Variants in SLC20A2 observed in about 807,000 individuals in gnomAD.
The protein encoded by SLC20A2 is sodium-dependent phosphate transporter 2.
Under a neutral mutation model 61.0 loss-of-function variants are expected in SLC20A2, and 30 were observed. That is an observed-to-expected ratio of 0.49 (90% confidence interval 0.37 to 0.67). The LOEUF (loss-of-function observed/expected upper bound fraction) is 0.67, where lower values mean the gene tolerates loss of function less well. Ranked by LOEUF, SLC20A2 falls within the 30% of genes least tolerant of loss-of-function variation. SLC20A2 has a pLI of 0.00. For missense variants in SLC20A2, 626 were observed against 866.4 expected, an observed-to-expected ratio of 0.72 and a Z score of 3.48; for synonymous variants, 351 against 353.3, an observed-to-expected ratio of 0.99 and a Z score of 0.07.
intron 5 of SLC20A2, among the ~76,000 whole-genome samples, chr8:42,454,725 A>G (rs1238768928): frequency 1.3e-5 from 2 of 151,342 alleles, no homozygotes; most frequent in Non-Finnish European, 2.9e-5. Flanking sequence ...AGATTTTACA[A>G]TTATTATTAT....
At chr8:42,456,267 G>A (rs574380524) in intron 5 of SLC20A2, among the ~76,000 whole-genome samples, 59 of 152,208 alleles carry the variant, frequency 3.9e-4, no homozygotes, top group Admixed American at 1.0e-3. Flanking sequence ...ATGCAGAAAC[G>A]AAAAAACCCC....
intron 1 of SLC20A2, chr8:42,535,230 G>A (rs544962969): frequency 6.6e-6 from 1 of 152,140 alleles, no homozygotes; most frequent in Non-Finnish European, 1.5e-5. Flanking sequence ...CAGGCTTTAG[G>A]AGGCTTCCTG....
At chr8:42,456,498 C>G (rs749797003) in intron 5 of SLC20A2, among the ~76,000 whole-genome samples, 7 of 152,002 alleles carry the variant, frequency 4.6e-5, no homozygotes, top group South Asian at 4.2e-4. Flanking sequence ...TTTGAGAGGC[C>G]AAGGCAGGCG....
At chr8:42,428,983 A>G in intron 9 of SLC20A2, 141 bp from the exon 10 acceptor site, 1 of 621,508 alleles carries the variant, frequency 1.6e-6, no homozygotes, top group African/African-American at 1.9e-5. Context: ...TAACAGAACA[A>G]GAGGCCGCTG....
chr8:42,494,436 C>T (rs935315507), intron 1 of SLC20A2, among the ~76,000 whole-genome samples: 12 of 152,092 alleles, frequency 7.9e-5, no homozygotes, highest in Non-Finnish European at 1.5e-4. Context: ...AATTAACATA[C>T]AGGTAACCAA....
At chr8:42,436,879 G>T in intron 8 of SLC20A2, 110 bp downstream of exon 8, 1 of 984,886 alleles carries the variant, frequency 1.0e-6, no homozygotes, top group Non-Finnish European at 1.5e-6. Flanking sequence ...CCTATCCCTG[G>T]CAGGGACTTC....
In SLC20A2 at chr8:42,449,191, T is replaced by C. The variant is rs567800338; in HGVS notation, c.614-4429A>G. Among the ~76,000 whole-genome samples, 45 of 152,228 alleles carry C rather than the reference T, an allele frequency of 3.0e-4. No individual in the cohort carries two copies. In the East Asian group the frequency reaches 7.5e-3, roughly 26 times the overall value. Reference sequence around the variant, plus strand: ...GTAAGACATGGCCGTCATTTCCCCCTGCGGATGGACATACTGGGGCACAGC... The same window carrying C: ...GTAAGACATGGCCGTCATTTCCCCCCGCGGATGGACATACTGGGGCACAGC... On this transcript the variant is annotated intron_variant, in intron 5 of 10. Transcript: ENST00000520262.
At chr8:42,422,234 G>A (rs1803096103) in intron 10 of SLC20A2, among the ~76,000 whole-genome samples, 1 of 152,078 alleles carries the variant, frequency 6.6e-6, no homozygotes, top group Non-Finnish European at 1.5e-5. Context: ...TATATTTTTA[G>A]TAGAGACGGG....
chr8:42,435,503 G>A (rs1425891658), intron 8 of SLC20A2, among the ~76,000 whole-genome samples: 3 of 152,140 alleles, frequency 2.0e-5, no homozygotes, highest in African/African-American at 7.2e-5. Context: ...CGGAGACTTC[G>A]GAAAAGCACA....
At chr8:42,480,814 C>T (rs1808501879) in intron 1 of SLC20A2, among the ~76,000 whole-genome samples, 1 of 152,158 alleles carries the variant, frequency 6.6e-6, no homozygotes, top group African/African-American at 2.4e-5. Context: ...CACATGCCAT[C>T]ATGCTTGGCT....
intron 9 of SLC20A2, among the ~76,000 whole-genome samples, chr8:42,429,203 G>A (rs1289731268): frequency 6.6e-6 from 1 of 152,158 alleles, no homozygotes; most frequent in Non-Finnish European, 1.5e-5. Context: ...ACAAAAGAGT[G>A]TATTTTTCTC....
In SLC20A2 at chr8:42,478,268, A is replaced by G. The variant is rs576792038; in HGVS notation, c.-264-5614T>C. Among the ~76,000 whole-genome samples the G allele has an allele frequency of 7.0e-5, 10 of 143,120 alleles. No individual in the cohort carries two copies. In the East Asian group the frequency reaches 2.1e-3, roughly 30 times the overall value. 93.9% of individuals were successfully genotyped at this position (143,120 alleles called of 152,430 possible). The stretch of plus-strand genomic sequence containing the variant: ...ACTCTGTTGCCCAGGCTGGAGTGCA[A>G]TGGTTTGATCTCTGCTCACTACAAC... On this transcript the variant is annotated intron_variant, in intron 1 of 10. Transcript: ENST00000520262.
intron 10 of SLC20A2, among the ~76,000 whole-genome samples, chr8:42,422,560 T>G (rs185637552): frequency 1.1e-4 from 17 of 150,998 alleles, no homozygotes; most frequent in Non-Finnish European, 1.8e-4. Context: ...GAGAGCTGGG[T>G]TTTTTTTTGT....
intron 7 of SLC20A2, among the ~76,000 whole-genome samples, chr8:42,438,517 AG>A (rs1407966511): frequency 6.6e-6 from 1 of 152,176 alleles, no homozygotes; most frequent in Non-Finnish European, 1.5e-5. Context: ...TGTCAAAGGC[AG>A]TATCTGAGAT....
rs377708700 is a variant in SLC20A2 at position 42,437,336 on chromosome 8, G to C, written c.1176C>G (p.Ala392=). 3 of 1,614,190 alleles carry C rather than the reference G, an allele frequency of 1.9e-6. No individual in the cohort carries two copies. Among genetic ancestry groups the C allele is most frequent in the Non-Finnish European group, 2.5e-6 (3 of 1,180,020 alleles). The change falls in exon 8 of 11, where the codon GCC becomes GCG. Residue 392 remains alanine (A), a synonymous_variant. Coordinates refer to ENST00000520262, the MANE Select transcript of SLC20A2 (RefSeq NM_001257180.2). The surrounding 1 kb of genome is among the most constrained non-coding windows in gnomAD (Gnocchi z 6.4). ...RNNSYTCYTA[A]ICGLPVHATF... The stretch of plus-strand genomic sequence containing the variant: ...TGGCGTGCACTGGCAGCCCACAAAT[G>C]GCTGCGGTGTAGCAGGTGTAACTGT...
chr8:42,483,227 T>G (rs1031554702), intron 1 of SLC20A2, among the ~76,000 whole-genome samples: 4 of 151,372 alleles, frequency 2.6e-5, no homozygotes, highest in Non-Finnish European at 5.9e-5. Context: ...AAAAATTAGG[T>G]GGGCATGGTG....
intron 1 of SLC20A2, among the ~76,000 whole-genome samples, chr8:42,493,635 AG>A (rs1809689332): frequency 6.6e-6 from 1 of 152,186 alleles, no homozygotes; most frequent in East Asian, 1.9e-4. Flanking sequence ...AATAATACTG[AG>A]TCTGAGATCC....
chr8:42,488,413 C>A (rs189722870), intron 1 of SLC20A2, among the ~76,000 whole-genome samples: 140 of 152,054 alleles, frequency 9.2e-4, no homozygotes, highest in African/African-American at 2.9e-3. Context: ...TGGTCTCAAA[C>A]TCCTGACCTT....
chr8:42,473,273 C>T (rs962186779), intron 1 of SLC20A2, among the ~76,000 whole-genome samples: 1 of 152,220 alleles, frequency 6.6e-6, no homozygotes, highest in Admixed American at 6.5e-5. Flanking sequence ...AATCCTATCA[C>T]TACGCCACTA....
Sources: allele counts gnomAD v4.1 joint callset (sites outside exome capture counted in the v4.1 genomes callset), GRCh38; gene constraint gnomAD v4.1.1; non-coding constraint Gnocchi (gnomAD v3.1); transcripts MANE v1.5; gene names NCBI Gene and HGNC (gene_info 2026-07-23, HGNC 2026-07-21).